The following SIGIRR variants were observed in gnomAD, a reference collection of about 807,000 sequenced individuals.
The protein encoded by SIGIRR is single Ig and TIR domain containing, also known as single Ig IL-1-related receptor.
Under a neutral mutation model 45.6 loss-of-function variants are expected in SIGIRR, and 41 were observed. That is an observed-to-expected ratio of 0.90 (90% CI 0.70 to 1.17). The LOEUF is 1.17. Among genes scored for constraint, SIGIRR ranks in the 50% most tolerant of loss-of-function variants. The probability of loss-of-function intolerance (pLI) is 0.00; values close to 1 mark genes in which losing one functional copy is unlikely to be tolerated. For synonymous variants in SIGIRR, 298 were observed against 239.0 expected (o/e 1.25, Z -2.28); for missense variants, 599 against 539.6 (o/e 1.11, Z -1.09).
Position 406,849 on chromosome 11 carries a change from G to A in SIGIRR, c.873C>T (p.Gly291=), listed in dbSNP as rs1316609582. The A allele has an allele frequency of 1.3e-6, 2 of 1,559,758 alleles. No individual in the cohort carries two copies. Among genetic ancestry groups the A allele is most frequent in the Non-Finnish European group, 1.7e-6 (2 of 1,159,162 alleles). ...TCCCGCGCCTGCTCCGCACCACGGA[G>A]CCGGGCCTCCAGAGCAGCAAGGTCA... ...HLVTLLLWRP[G]SVTPSSDFWK... is the part of the protein sequence containing the mutation. The change falls in exon 8 of 10, where the codon GGC becomes GGT. Residue 291 remains glycine, a synonymous_variant. Coordinates refer to ENST00000431843, the MANE Select transcript of SIGIRR (RefSeq NM_001135054.2).
chr11:407,096 A>G lies in SIGIRR; in HGVS notation c.694T>C (p.Phe232Leu), dbSNP rs774754439. 8 of 1,576,046 alleles carry G rather than the reference A, an allele frequency of 5.1e-6. No homozygotes were observed. In the African/African-American group the frequency reaches 1.1e-4, roughly 22 times the overall value. The change falls in exon 7 of 10, where the codon TTC (phenylalanine) becomes CTC (leucine). Residue 232 changes from phenylalanine to leucine, a missense_variant. Transcript: ENST00000431843. ...TGGCTGCACCAGGCCCGGCTCAGGA[A>G]GGCGTCCGAAAGCACCACGATGAGG... is the stretch of plus-strand genomic sequence containing the variant. The part of the protein sequence containing the change: ...RRLIVVLSDA[F>L]LSRAWCSHSF...
chr11:405,831 G>A lies in SIGIRR; in HGVS notation c.*65C>T, dbSNP rs14702. 1 of 1,511,360 alleles carries A rather than the reference G, an allele frequency of 6.6e-7. No individual in the cohort carries two copies. The highest frequency in any genetic ancestry group is 1.4e-5 in the African/African-American group (1 of 72,526). The allele number at this position is 1,511,360 out of a possible 1,614,324, so 93.6% of individuals were successfully genotyped here. Reference sequence around the variant, plus strand: ...CTGGCAGGGGTTGTGGTCCTGTTGAGCAGAGGAGCGACGCCGCTGCCCTGG... The same window carrying A: ...CTGGCAGGGGTTGTGGTCCTGTTGAACAGAGGAGCGACGCCGCTGCCCTGG... On this transcript the variant is annotated 3_prime_UTR_variant, in exon 10 of 10. Coordinates refer to ENST00000431843, the MANE Select transcript of SIGIRR (RefSeq NM_001135054.2).
Position 410,133 on chromosome 11 carries a change from C to T in SIGIRR, c.-153-106G>A, listed in dbSNP as rs11246149. The T allele has an allele frequency of 2.2e-3, 2,298 of 1,024,684 alleles. 58 individuals are homozygous for T. The East Asian group carries it at 0.054, about 24-fold the overall frequency. 63.5% of individuals were successfully genotyped at this position (1,024,684 alleles called of 1,614,324 possible). A position where few individuals can be genotyped will look rare whatever the true frequency, so the allele number is the denominator to read the frequency against. On this transcript the variant is annotated intron_variant, in intron 1 of 9. Transcript: ENST00000431843. ...CTGACCAGATGCGACCCTGAGCAGCCGCATGGATGCTGGCAGAGTTCTCGG... is the reference window on the plus strand; with the variant it reads ...CTGACCAGATGCGACCCTGAGCAGCTGCATGGATGCTGGCAGAGTTCTCGG...
chr11:406,869 A>T lies in SIGIRR; in HGVS notation c.853T>A (p.Leu285Met). 1 of 1,577,468 alleles carries T rather than the reference A, an allele frequency of 6.3e-7. No homozygotes were observed. Among genetic ancestry groups the T allele is most frequent in the South Asian group, 1.1e-5 (1 of 87,986 alleles). Residue 285 changes from leucine to methionine, a missense_variant, in exon 8 of 10, where the codon TTG becomes ATG. Physicochemically the swap from Leu to Met is conservative, Grantham distance 15. Transcript: ENST00000431843. ...ACGGAGCCGGGCCTCCAGAGCAGCA[A>T]GGTCACCAGGTGGCGGTGCTGGCGC... ...LLRQHRHLVT[L>M]LLWRPGSVTP...
chr11:406,557 C>T lies in SIGIRR; in HGVS notation c.880-19G>A, dbSNP rs1847315422. 3.8e-6 allele frequency: 6 copies of T among 1,598,268 alleles called. No homozygotes were observed. The highest frequency in any genetic ancestry group is 2.2e-5 in the South Asian group (2 of 89,288). ...AAGGAGTCTGGGGGCCAGGTCGGGG[C>T]GGTTTGCAGGTGTGAACACCTCGGA... is the stretch of plus-strand genomic sequence containing the variant. On this transcript the variant is annotated intron_variant, in intron 8 of 9. Transcript: ENST00000431843.
intron 1 of SIGIRR, among the ~76,000 whole-genome samples, chr11:414,447 GC>G (rs1163285385): frequency 6.6e-6 from 1 of 150,958 alleles, no homozygotes; most frequent in African/African-American, 2.4e-5. Context: ...CAGCCCTCTG[GC>G]CCATGTGCAC....
upstream of SIGIRR, among the ~76,000 whole-genome samples, chr11:415,492 G>A (rs1347184609): frequency 6.6e-6 from 1 of 152,094 alleles, no homozygotes; most frequent in African/African-American, 2.4e-5. The surrounding 1 kb of genome is among the most constrained non-coding windows in gnomAD (Gnocchi z 6.6). Flanking sequence ...CCAAGGGGCC[G>A]GTTTGCTCCC....
At chr11:415,179 C>G (rs1186690383), upstream of SIGIRR, among the ~76,000 whole-genome samples, 2 of 151,946 alleles carry the variant, frequency 1.3e-5, no homozygotes, top group African/African-American at 4.8e-5. The surrounding 1 kb of genome is among the most constrained non-coding windows in gnomAD (Gnocchi z 6.6). Flanking sequence ...CCCCAACCCA[C>G]CCAGGCACGG....
chr11:405,841 G>A lies in SIGIRR; in HGVS notation c.*55C>T, dbSNP rs953480320. 11 of 1,535,528 alleles carry A rather than the reference G, an allele frequency of 7.2e-6. No homozygotes were observed. The highest frequency in any genetic ancestry group is 2.7e-5 in the African/African-American group (2 of 72,852). On this transcript the variant is annotated 3_prime_UTR_variant, in exon 10 of 10. Transcript: ENST00000431843. Reference sequence around the variant, plus strand: ...TTGTGGTCCTGTTGAGCAGAGGAGCGACGCCGCTGCCCTGGCCCCCGCTGT... The same window carrying A: ...TTGTGGTCCTGTTGAGCAGAGGAGCAACGCCGCTGCCCTGGCCCCCGCTGT...
At chr11:407,615 C>A in intron 5 of SIGIRR, 47 bp from the exon 6 acceptor site, 7 of 1,591,622 alleles carry the variant, frequency 4.4e-6, no homozygotes, top group Non-Finnish European at 6.0e-6. Context: ...GGCCTCACAC[C>A]AGCCCTCGGG....
At chr11:407,362 A>AACATG (rs1847380722) in intron 6 of SIGIRR, 63 bp downstream of exon 6, 1 of 1,099,738 alleles carries the variant, frequency 9.1e-7, no homozygotes, top group South Asian at 1.7e-5. Context: ...GGTGGGACGG[A>AACATG]GCATGGGGCG....
intron 1 of SIGIRR, among the ~76,000 whole-genome samples, chr11:410,534 TTG>T (rs2133633836): frequency 2.4e-5 from 3 of 123,414 alleles, no homozygotes; most frequent in Admixed American, 1.9e-4. Context: ...CTGGATGCAG[TTG>T]GGGTGGGGGT....
Position 407,077 on chromosome 11 carries a change from C to CTTTTTTAATGATACGGCG in SIGIRR, c.712_713insCGCCGTATCATTAAAAAA (p.Cys238delinsSerProTyrHisTer). The CTTTTTTAATGATACGGCG allele has an allele frequency of 2.5e-6, 4 of 1,578,462 alleles. No homozygotes were observed. Among genetic ancestry groups the CTTTTTTAATGATACGGCG allele is most frequent in the East Asian group, 2.4e-5 (1 of 42,428 alleles). On this transcript the variant is annotated stop_gained and protein_altering_variant, in exon 7 of 10. Coordinates refer to ENST00000431843, the MANE Select transcript of SIGIRR (RefSeq NM_001135054.2). LOFTEE classifies it high-confidence loss of function. ...CGGGACCCACCGGAAGCTGTGGCTG[C>CTTTTTTAATGATACGGCG]ACCAGGCCCGGCTCAGGAAGGCGTC...
At chr11:407,245 CA>C (rs1160136181) in intron 6 of SIGIRR, 81 bp from the exon 7 acceptor site, 9 of 631,770 alleles carry the variant, frequency 1.4e-5, no homozygotes, top group African/African-American at 2.7e-5. Context: ...GTGCCGGACG[CA>C]GAGCTCTAAG....
chr11:414,709 C>T, intron 1 of SIGIRR, 114 bp downstream of exon 1: 4 of 704,930 alleles, frequency 5.7e-6, no homozygotes, highest in Non-Finnish European at 7.0e-6. Context: ...TGCTGCCCCT[C>T]GCTCTGTCTC....
At chr11:410,148 A>G in intron 1 of SIGIRR, 121 bp from the exon 2 acceptor site, 1 of 909,870 alleles carries the variant, frequency 1.1e-6, no homozygotes, top group South Asian at 5.3e-5. Flanking sequence ...GGATGCTGGC[A>G]GAGTTCTCGG....
chr11:407,109 CACCACG>C lies in SIGIRR; in HGVS notation c.675_680del (p.Ile225_Val227delinsMet). The C allele has an allele frequency of 3.3e-6, 5 of 1,526,650 alleles. No homozygotes were observed. Among genetic ancestry groups the C allele is most frequent in the Admixed American group, 3.9e-5 (2 of 51,238 alleles). 94.6% of individuals were successfully genotyped at this position (1,526,650 alleles called of 1,614,324 possible). A position where few individuals can be genotyped will look rare whatever the true frequency, so the allele number is the denominator to read the frequency against. Reference sequence around the variant, plus strand: ...CCCGGCTCAGGAAGGCGTCCGAAAGCACCACGATGAGGCGTCGGCAGCGGCTCAGGT... The same window carrying C: ...CCCGGCTCAGGAAGGCGTCCGAAAGCATGAGGCGTCGGCAGCGGCTCAGGT... On this transcript the variant is annotated inframe_deletion, in exon 7 of 10. Transcript: ENST00000431843.
intron 1 of SIGIRR, among the ~76,000 whole-genome samples, chr11:411,033 G>T (rs1216572761): frequency 1.0e-4 from 1 of 9,752 alleles, no homozygotes. Context: ...TCGGGGAGGG[G>T]GGTGCCCAGC....
rs766200071 is a variant in SIGIRR, at chr11:408,223, A to G, written c.207-17T>C. Reference sequence around the variant, plus strand: ...GCCTTGACCCTGGGGATACCAAGCCAGGGTCAGGGTCGACTGGGGATACCA... The same window carrying G: ...GCCTTGACCCTGGGGATACCAAGCCGGGGTCAGGGTCGACTGGGGATACCA... On this transcript the variant is annotated splice_polypyrimidine_tract_variant and intron_variant, in intron 3 of 9. Coordinates refer to ENST00000431843, the MANE Select transcript of SIGIRR (RefSeq NM_001135054.2). 1.9e-6 allele frequency: 3 copies of G among 1,611,832 alleles called. No homozygotes were observed. The Admixed American group carries it at 5.0e-5, about 27-fold the overall frequency.
Sources: gnomAD v4.1 joint callset for allele counts (sites outside exome capture counted in the v4.1 genomes callset) on GRCh38, gnomAD v4.1.1 for gene constraint, Gnocchi (gnomAD v3.1) non-coding constraint, MANE v1.5 for transcripts, NCBI Gene and HGNC (gene_info 2026-07-23, HGNC 2026-07-21) for gene names.